Variants in EXOC4 observed in about 807,000 individuals in gnomAD.
EXOC4 encodes the protein SEC8-like 1.
In EXOC4, 71 loss-of-function variants were observed where a neutral mutation model predicts 107.2. That is an observed-to-expected ratio of 0.66 (90% CI 0.55 to 0.81). The LOEUF (loss-of-function observed/expected upper bound fraction) is 0.81, where lower values mean the gene tolerates loss of function less well. Among genes scored for constraint, EXOC4 ranks in the 30% least tolerant of loss-of-function variants. EXOC4 has a pLI of 0.00. For missense variants in EXOC4, 1,108 were observed against 1,189.6 expected (o/e 0.93, Z 1.01); for synonymous variants, 456 against 441.2 (o/e 1.03, Z -0.42).
intron 9 of EXOC4, among the ~76,000 whole-genome samples, chr7:133,584,365 C>G (rs1801346843): frequency 6.6e-6 from 1 of 152,110 alleles, no homozygotes; most frequent in African/African-American, 2.4e-5. Flanking sequence ...AAACCCTTTT[C>G]TTACTAAATT....
chr7:133,449,485 A>G (rs936559648), intron 7 of EXOC4, among the ~76,000 whole-genome samples: 1 of 152,180 alleles, frequency 6.6e-6, no homozygotes, highest in African/African-American at 2.4e-5. Context: ...CTTAAATGCA[A>G]GGATAATTTC....
chr7:133,946,740 T>C (rs1800560237), intron 14 of EXOC4, among the ~76,000 whole-genome samples: 1 of 152,198 alleles, frequency 6.6e-6, no homozygotes, highest in Non-Finnish European at 1.5e-5. Context: ...GACCTCTCTG[T>C]CTCCTTCTGT....
chr7:133,699,820 A>T, intron 10 of EXOC4, among the ~76,000 whole-genome samples: 1 of 152,204 alleles, frequency 6.6e-6, no homozygotes, highest in Admixed American at 6.5e-5. Flanking sequence ...AACATTCACT[A>T]AATGTTTGAT....
chr7:133,755,773 C>G (rs1795904312), intron 10 of EXOC4, among the ~76,000 whole-genome samples: 1 of 152,172 alleles, frequency 6.6e-6, no homozygotes, highest in Non-Finnish European at 1.5e-5. Context: ...GAACTATGTG[C>G]TCAACCACCC....
chr7:133,635,795 G>T (rs1419224016), intron 10 of EXOC4, among the ~76,000 whole-genome samples: 1 of 152,100 alleles, frequency 6.6e-6, no homozygotes. Context: ...TCCTCACATG[G>T]CCTCTTCCCT....
intron 9 of EXOC4, among the ~76,000 whole-genome samples, chr7:133,596,044 A>G (rs1350201016): frequency 6.6e-6 from 1 of 152,148 alleles, no homozygotes; most frequent in Non-Finnish European, 1.5e-5. Context: ...CTATCTTTGT[A>G]TGATGCTATT....
chr7:134,034,217 G>A (rs1224944925), intron 17 of EXOC4, among the ~76,000 whole-genome samples: 1 of 152,098 alleles, frequency 6.6e-6, no homozygotes, highest in African/African-American at 2.4e-5. Context: ...AAAATAGGTA[G>A]TATGATGGAG....
Position 133,426,263 on chromosome 7 carries a change from G to A in EXOC4, c.1183-49065G>A, listed in dbSNP as rs764646663. On this transcript the variant is annotated intron_variant, in intron 7 of 17. Transcript: ENST00000253861. The stretch of plus-strand genomic sequence containing the variant: ...ACATCATGCCCCAGTTAGGGGTTAT[G>A]TGTCTGTAATTGCCACAGGAGCAGC... 2.0e-5 allele frequency among the ~76,000 whole-genome samples: 3 copies of A among 152,306 alleles called. No individual in the cohort carries two copies. In the South Asian group the frequency reaches 6.2e-4, roughly 32 times the overall value.
intron 9 of EXOC4, among the ~76,000 whole-genome samples, chr7:133,526,503 A>T (rs1023912814): frequency 1.3e-5 from 2 of 152,206 alleles, no homozygotes; most frequent in African/African-American, 4.8e-5. Context: ...TTGATCCTAC[A>T]TTCTGTTGCT....
intron 13 of EXOC4, among the ~76,000 whole-genome samples, chr7:133,929,818 T>C (rs769548589): frequency 3.6e-4 from 54 of 152,076 alleles, no homozygotes; most frequent in Non-Finnish European, 6.8e-4. Context: ...ATCTCTCTCT[T>C]CCTTCCTCCT....
chr7:133,639,801 T>C (rs949266818), intron 10 of EXOC4, among the ~76,000 whole-genome samples: 3 of 152,132 alleles, frequency 2.0e-5, no homozygotes, highest in African/African-American at 7.2e-5. Context: ...TGACAATTGC[T>C]ATTTTTAAAC....
At chr7:133,445,269 A>C (rs1352320946) in intron 7 of EXOC4, among the ~76,000 whole-genome samples, 1 of 152,134 alleles carries the variant, frequency 6.6e-6, no homozygotes, top group African/African-American at 2.4e-5. Flanking sequence ...TTTCTTAGTA[A>C]ATATTGTATT....
At chr7:133,347,693 G>A (rs1795816591) in intron 5 of EXOC4, among the ~76,000 whole-genome samples, 1 of 152,114 alleles carries the variant, frequency 6.6e-6, no homozygotes, top group South Asian at 2.1e-4. Context: ...ATGATTTATA[G>A]CCATTTAGAC....
chr7:134,012,710 G>C (rs1480130098), intron 17 of EXOC4, among the ~76,000 whole-genome samples: 1 of 152,110 alleles, frequency 6.6e-6, no homozygotes, highest in Non-Finnish European at 1.5e-5. Flanking sequence ...AAGGCTGAGA[G>C]GTGAGATCTC....
At chr7:133,696,143 C>T (rs73724712) in intron 10 of EXOC4, among the ~76,000 whole-genome samples, 11,745 of 152,156 alleles carry the variant, frequency 0.077, 523 homozygotes, top group Middle Eastern at 0.13. Context: ...ATCAGGTGGC[C>T]GTGGCTGGGT....
chr7:133,718,018 C>G (rs1334866480), intron 10 of EXOC4, among the ~76,000 whole-genome samples: 1 of 152,152 alleles, frequency 6.6e-6, no homozygotes, highest in Non-Finnish European at 1.5e-5. Flanking sequence ...AAGGCACTGT[C>G]ATATAGGTGG....
intron 9 of EXOC4, among the ~76,000 whole-genome samples, chr7:133,487,598 A>G (rs1358249221): frequency 6.6e-6 from 1 of 152,144 alleles, no homozygotes; most frequent in East Asian, 1.9e-4. Context: ...AGTCCTAGCT[A>G]GTCAGGAGGC....
At chr7:133,607,595 A>G (rs756249867) in intron 9 of EXOC4, among the ~76,000 whole-genome samples, 2 of 152,210 alleles carry the variant, frequency 1.3e-5, no homozygotes, top group East Asian at 3.9e-4. Context: ...AGAGCCTTCA[A>G]GATCTCTACA....
intron 9 of EXOC4, among the ~76,000 whole-genome samples, chr7:133,583,154 A>G (rs1277462053): frequency 6.6e-6 from 1 of 152,094 alleles, no homozygotes; most frequent in Non-Finnish European, 1.5e-5. Context: ...ATTCTCACCA[A>G]CAGCCTCTCT....
Sources: allele counts gnomAD v4.1 joint callset (sites outside exome capture counted in the v4.1 genomes callset), GRCh38; gene constraint gnomAD v4.1.1; transcripts MANE v1.5; gene names NCBI Gene and HGNC (gene_info 2026-07-23, HGNC 2026-07-21).